Variants in ZNF385D observed in about 807,000 individuals in gnomAD.
ZNF385D encodes zinc finger protein 385D, also known as zinc finger protein 659.
ZNF385D carries 15 observed loss-of-function variants against 35.8 expected under a neutral mutation model. The observed-to-expected ratio is 0.42, with a 90% confidence interval of 0.28 to 0.64. The LOEUF (loss-of-function observed/expected upper bound fraction) is 0.64. ZNF385D is among the 30% of genes least tolerant of loss of function. ZNF385D has a pLI of 0.23. For missense variants in ZNF385D, 474 were observed against 494.6 expected (o/e 0.96, Z 0.39); for synonymous variants, 212 against 186.8 (o/e 1.13, Z -1.10).
chr3:21,666,942 G>C (rs1486881460), intron 1 of ZNF385D, among the ~76,000 whole-genome samples: 1 of 151,896 alleles, frequency 6.6e-6, no homozygotes, highest in Non-Finnish European at 1.5e-5. Flanking sequence ...GCCAAATGTG[G>C]GGTGCACACC....
chr3:21,450,281 A>G (rs1702379115), intron 4 of ZNF385D, among the ~76,000 whole-genome samples: 1 of 152,188 alleles, frequency 6.6e-6, no homozygotes, highest in African/African-American at 2.4e-5. Flanking sequence ...CTGTGCAAAG[A>G]GAGCAAGGAC....
chr3:22,287,686 C>T (rs1602574), intron 2 of ZNF385D, among the ~76,000 whole-genome samples: 55,481 of 151,770 alleles, frequency 0.37, 10,352 homozygotes, highest in Non-Finnish European at 0.39. Flanking sequence ...ACACAATTTA[C>T]ATTCCTTTAT....
chr3:21,567,480 C>CTCA (rs2063189370), intron 2 of ZNF385D, among the ~76,000 whole-genome samples: 1 of 152,120 alleles, frequency 6.6e-6, no homozygotes, highest in Non-Finnish European at 1.5e-5. Flanking sequence ...TTCAATAGCC[C>CTCA]TCATTCTGTT....
intron 2 of ZNF385D, among the ~76,000 whole-genome samples, chr3:22,251,686 T>G (rs960035251): frequency 3.7e-4 from 56 of 152,054 alleles, no homozygotes; most frequent in African/African-American, 1.3e-3. Flanking sequence ...AATGACCCTT[T>G]AAATGGGGGC....
chr3:21,896,366 T>C (rs1047114839), intron 3 of ZNF385D, among the ~76,000 whole-genome samples: 2 of 151,958 alleles, frequency 1.3e-5, no homozygotes, highest in Non-Finnish European at 2.9e-5. Flanking sequence ...AGATACCAAC[T>C]TCCTAAAGGT....
At chr3:22,340,439 A>C (rs902596120) in intron 2 of ZNF385D, among the ~76,000 whole-genome samples, 1 of 152,160 alleles carries the variant, frequency 6.6e-6, no homozygotes, top group African/African-American at 2.4e-5. Flanking sequence ...TGAGGTCAGG[A>C]GTTTCAGACC....
At chr3:22,372,224 CT>C (rs1294041028) in intron 2 of ZNF385D, among the ~76,000 whole-genome samples, 1 of 152,164 alleles carries the variant, frequency 6.6e-6, no homozygotes, top group African/African-American at 2.4e-5. Context: ...CCTCACATCT[CT>C]TCTCCTTGGC....
At chr3:21,821,515 A>G (rs896290043) in intron 3 of ZNF385D, among the ~76,000 whole-genome samples, 1 of 152,258 alleles carries the variant, frequency 6.6e-6, no homozygotes. Flanking sequence ...AAATTCAGAA[A>G]TAAGAATGAT....
intron 2 of ZNF385D, among the ~76,000 whole-genome samples, chr3:22,267,019 A>G (rs1461197550): frequency 1.3e-5 from 2 of 151,980 alleles, no homozygotes; most frequent in South Asian, 2.1e-4. Flanking sequence ...AATTATTTAA[A>G]GTGAAACAAA....
chr3:22,032,780 G>A (rs545370754), intron 3 of ZNF385D, among the ~76,000 whole-genome samples: 4 of 152,188 alleles, frequency 2.6e-5, no homozygotes, highest in Non-Finnish European at 5.9e-5. Flanking sequence ...TGCTTACTGA[G>A]TACTTACTAT....
At chr3:22,255,417 A>G (rs1205556556) in intron 2 of ZNF385D, among the ~76,000 whole-genome samples, 1 of 151,844 alleles carries the variant, frequency 6.6e-6, no homozygotes, top group Non-Finnish European at 1.5e-5. Context: ...TAACTTACTT[A>G]CACACACTTA....
chr3:22,286,343 A>G (rs1207234469), intron 2 of ZNF385D, among the ~76,000 whole-genome samples: 1 of 152,110 alleles, frequency 6.6e-6, no homozygotes, highest in Non-Finnish European at 1.5e-5. Context: ...TCTTTCCAAT[A>G]AACCAACTCT....
rs1700507408 is a variant in ZNF385D, at chr3:21,412,558, A to T, written c.*8656T>A. 6.6e-6 allele frequency: 1 copy of T among 152,122 alleles called. No homozygotes were observed. The highest frequency in any genetic ancestry group is 2.4e-5 in the African/African-American group (1 of 41,436). 9.4% of individuals were successfully genotyped at this position (152,122 alleles called of 1,614,324 possible). On this transcript the variant is annotated 3_prime_UTR_variant, in exon 8 of 8. Transcript: ENST00000281523. ...TTTTGATTCCACAAACCAAGCGAAG[A>T]ATAAGGACATGAACAGACCAATGTC... is the stretch of plus-strand genomic sequence containing the variant.
intron 3 of ZNF385D, among the ~76,000 whole-genome samples, chr3:22,000,406 C>T (rs949601832): frequency 2.6e-5 from 4 of 152,108 alleles, no homozygotes; most frequent in African/African-American, 7.2e-5. Context: ...TGACAGTTTA[C>T]AAATGCCATG....
chr3:22,109,138 A>G (rs146177865), intron 3 of ZNF385D, among the ~76,000 whole-genome samples: 96 of 152,314 alleles, frequency 6.3e-4, no homozygotes, highest in African/African-American at 2.2e-3. Context: ...GAAGGAAACC[A>G]TATTTGACTT....
intron 1 of ZNF385D, among the ~76,000 whole-genome samples, chr3:21,731,723 AG>A (rs1250932091): frequency 6.6e-6 from 1 of 152,190 alleles, no homozygotes; most frequent in Non-Finnish European, 1.5e-5. Flanking sequence ...TGAATTTGAT[AG>A]AAAAAAAGCC....
chr3:22,009,913 TACAAA>T (rs1243661576), intron 3 of ZNF385D, among the ~76,000 whole-genome samples: 2 of 148,802 alleles, frequency 1.3e-5, no homozygotes, highest in African/African-American at 4.9e-5. Context: ...TTTTTAAAAT[TACAAA>T]ACAAAATAAA....
intron 2 of ZNF385D, among the ~76,000 whole-genome samples, chr3:21,588,644 T>G (rs1349225274): frequency 1.3e-5 from 2 of 152,050 alleles, no homozygotes; most frequent in African/African-American, 4.8e-5. Context: ...ATTTATAGAG[T>G]AAATGCCATG....
intron 3 of ZNF385D, among the ~76,000 whole-genome samples, chr3:21,919,683 T>TTCACTA (rs1200943612): frequency 6.6e-6 from 1 of 152,218 alleles, no homozygotes; most frequent in African/African-American, 2.4e-5. Flanking sequence ...TTTAACCATA[T>TTCACTA]AATTCCCCTT....
Sources: allele counts gnomAD v4.1 joint callset (sites outside exome capture counted in the v4.1 genomes callset), GRCh38; gene constraint gnomAD v4.1.1; transcripts MANE v1.5; gene names NCBI Gene and HGNC (gene_info 2026-07-23, HGNC 2026-07-21).